ABLIM1: variants seen among roughly 807,000 people sequenced by gnomAD.
ABLIM1 encodes the protein actin binding LIM protein 1, also known as actin-binding LIM protein 1.
In ABLIM1, 40 loss-of-function variants were observed where a neutral mutation model predicts 107.0. That is an observed-to-expected ratio of 0.37 (90% confidence interval 0.29 to 0.49). ABLIM1 has a LOEUF of 0.49. Among genes scored for constraint, ABLIM1 ranks in the 20% least tolerant of loss-of-function variants. ABLIM1 has a pLI of 0.97. For synonymous variants in ABLIM1, 357 were observed against 357.3 expected, an observed-to-expected ratio of 1.00 and a Z score of 0.01; for missense variants, 857 against 1,008.5, an observed-to-expected ratio of 0.85 and a Z score of 2.04.
chr10:114,499,946 T>TC lies in ABLIM1; in HGVS notation c.895-8069dup, dbSNP rs568821901. Among the ~76,000 whole-genome samples the TC allele has an allele frequency of 2.6e-3, 399 of 152,318 alleles. 2 individuals carry two copies. Among genetic ancestry groups the TC allele is most frequent in the Non-Finnish European group, 2.4e-3 (162 of 68,024 alleles). On this transcript the variant is annotated intron_variant, in intron 6 of 22. Transcript: ENST00000533213. ...ATCTCTAAGCTAAACACTCACCTGT[T>TC]CCAGGAGGCTTTTCTCCTGATGCAG...
chr10:114,565,443 A>G (rs2483560), intron 4 of ABLIM1, among the ~76,000 whole-genome samples: 41,544 of 152,128 alleles, frequency 0.27, 6,694 homozygotes, highest in African/African-American at 0.44. Context: ...TTATAAGTAC[A>G]TAGCATTTTA....
Position 114,473,032 on chromosome 10 carries a change from T to G in ABLIM1, c.1220A>C (p.Glu407Ala), listed in dbSNP as rs751583023. The part of the protein sequence containing the change: ...DIERPDLITY[E>A]PFYTSGYDDK... Reference sequence around the variant, plus strand: ...ATCATAGCCCGAAGTGTAGAAAGGCTCATAGGTAATAAGATCTGGACGTTC... The same window carrying G: ...ATCATAGCCCGAAGTGTAGAAAGGCGCATAGGTAATAAGATCTGGACGTTC... Residue 407 changes from glutamate to alanine, a missense_variant, in exon 10 of 23, where the codon GAG becomes GCG. Transcript: ENST00000533213. The G allele has an allele frequency of 6.2e-7, 1 of 1,613,164 alleles. No homozygotes were observed.
intron 12 of ABLIM1, among the ~76,000 whole-genome samples, chr10:114,457,802 T>C (rs2063108738): frequency 6.6e-6 from 1 of 152,238 alleles, no homozygotes; most frequent in African/African-American, 2.4e-5. Context: ...ATGGGCATGA[T>C]GGCTTATGCC....
At chr10:114,591,602 A>C (rs998418951) in intron 2 of ABLIM1, among the ~76,000 whole-genome samples, 9 of 152,186 alleles carry the variant, frequency 5.9e-5, no homozygotes, top group Non-Finnish European at 1.3e-4. Context: ...TGTGTGAAAA[A>C]ATGCTGCGTC....
intron 1 of ABLIM1, among the ~76,000 whole-genome samples, chr10:114,736,860 A>G (rs1454834888): frequency 6.6e-6 from 1 of 152,142 alleles, no homozygotes; most frequent in Non-Finnish European, 1.5e-5. Context: ...GGAAATAAAA[A>G]ACAGGGACAG....
intron 7 of ABLIM1, among the ~76,000 whole-genome samples, chr10:114,488,476 C>T (rs1369969334): frequency 6.6e-6 from 1 of 152,156 alleles, no homozygotes; most frequent in Non-Finnish European, 1.5e-5. Flanking sequence ...AGAAGCAAGA[C>T]TTACTGAATT....
chr10:114,732,184 T>TCTTTTCTTTTTC (rs200382208), intron 1 of ABLIM1, among the ~76,000 whole-genome samples: 1 of 124,334 alleles, frequency 8.0e-6, no homozygotes, highest in African/African-American at 3.6e-5. Context: ...TCTTTTCTTT[T>TCTTTTCTTTTTC]TTTTTTTTTT....
chr10:114,474,782 G>A lies in ABLIM1; in HGVS notation c.1042-826C>T, dbSNP rs2067286635. Among the ~76,000 whole-genome samples, 3 of 152,158 alleles carry A rather than the reference G, an allele frequency of 2.0e-5. No homozygotes were observed. The South Asian group carries it at 6.2e-4, about 32-fold the overall frequency. On this transcript the variant is annotated intron_variant, in intron 8 of 22. Coordinates refer to ENST00000533213, the MANE Select transcript of ABLIM1 (RefSeq NM_002313.7). ...CTCCACCCACGTTTCACCTTGAATT[G>A]TAATAATCCCCACGTGTCAAGGATA... is the stretch of plus-strand genomic sequence containing the variant.
intron 10 of ABLIM1, among the ~76,000 whole-genome samples, chr10:114,469,172 A>G (rs1221605785): frequency 6.6e-6 from 1 of 152,124 alleles, no homozygotes; most frequent in Non-Finnish European, 1.5e-5. Flanking sequence ...TCATTTTACT[A>G]TGATGAGTTA....
intron 1 of ABLIM1, among the ~76,000 whole-genome samples, chr10:114,671,885 C>G (rs1482778530): frequency 6.6e-6 from 1 of 151,856 alleles, no homozygotes; most frequent in African/African-American, 2.4e-5. Context: ...TTTTTAGAGA[C>G]AGGTTCTCTC....
chr10:114,531,140 A>G (rs1368982883), intron 6 of ABLIM1, among the ~76,000 whole-genome samples: 7 of 152,244 alleles, frequency 4.6e-5, no homozygotes, highest in African/African-American at 1.7e-4. Context: ...AATCCCATAT[A>G]ACTACATCAG....
intron 15 of ABLIM1, among the ~76,000 whole-genome samples, chr10:114,446,151 G>A (rs529776671): frequency 1.6e-4 from 24 of 152,256 alleles, no homozygotes; most frequent in African/African-American, 4.6e-4. Context: ...TGTGACATGC[G>A]TTTAAACCTT....
At chr10:114,462,780 T>G (rs962002147) in intron 12 of ABLIM1, among the ~76,000 whole-genome samples, 1 of 151,882 alleles carries the variant, frequency 6.6e-6, no homozygotes, top group Admixed American at 6.6e-5. Context: ...ATTTTCTTTT[T>G]TCAAAGTAGT....
chr10:114,705,168 A>G (rs538402579), intron 1 of ABLIM1, among the ~76,000 whole-genome samples: 3 of 152,340 alleles, frequency 2.0e-5, no homozygotes, highest in African/African-American at 7.2e-5. Context: ...CTTAGATATT[A>G]GGATATTTAA....
rs1431434934 is a variant in ABLIM1 at position 114,632,874 on chromosome 10, C to A, written c.244+25083G>T. 3 of 788,876 alleles carry A rather than the reference C, an allele frequency of 3.8e-6. No individual in the cohort carries two copies. The East Asian group carries it at 3.8e-4, about 100-fold the overall frequency. The allele number at this position is 788,876 out of a possible 1,614,324, so 48.9% of individuals were successfully genotyped here. On this transcript the variant is annotated intron_variant, in intron 1 of 22. Coordinates refer to ENST00000533213, the MANE Select transcript of ABLIM1 (RefSeq NM_002313.7). ...ACCACCAGGATCAGCCTAAGCCTGA[C>A]CCCACAGCAGCAACTCCTCAGGAGG...
intron 4 of ABLIM1, among the ~76,000 whole-genome samples, chr10:114,567,010 C>T (rs1364715781): frequency 6.6e-6 from 1 of 152,228 alleles, no homozygotes; most frequent in Non-Finnish European, 1.5e-5. Context: ...GATCACACCA[C>T]TGCACTCCAG....
chr10:114,674,215 G>C (rs1003494481), intron 1 of ABLIM1, among the ~76,000 whole-genome samples: 7 of 151,676 alleles, frequency 4.6e-5, no homozygotes, highest in Non-Finnish European at 1.0e-4. Context: ...GCTTGAACCT[G>C]GGAGGTGAAG....
intron 4 of ABLIM1, among the ~76,000 whole-genome samples, chr10:114,560,977 C>T (rs1378813028): frequency 6.6e-6 from 1 of 152,142 alleles, no homozygotes; most frequent in Non-Finnish European, 1.5e-5. Context: ...TGTACAAAAG[C>T]ACATTTGCAG....
intron 1 of ABLIM1, among the ~76,000 whole-genome samples, chr10:114,647,421 T>C (rs1025340412): frequency 6.6e-6 from 1 of 152,148 alleles, no homozygotes; most frequent in Non-Finnish European, 1.5e-5. Context: ...AGCTACACAC[T>C]AGAATCACAT....
Sources: allele counts gnomAD v4.1 joint callset (sites outside exome capture counted in the v4.1 genomes callset), GRCh38; gene constraint gnomAD v4.1.1; transcripts MANE v1.5; gene names NCBI Gene and HGNC (gene_info 2026-07-23, HGNC 2026-07-21).